TRABD2B: variants seen among roughly 807,000 people sequenced by gnomAD.
The protein encoded by TRABD2B is TraB domain containing 2B, also known as metalloprotease TIKI2.
Under a neutral mutation model 40.1 loss-of-function variants are expected in TRABD2B, and 14 were observed. That is an observed-to-expected ratio of 0.35 (90% CI 0.23 to 0.55). TRABD2B has a LOEUF of 0.55. Ranked by LOEUF, TRABD2B falls within the 20% of genes least tolerant of loss-of-function variation. TRABD2B has a pLI of 0.90. For synonymous variants in TRABD2B, 263 were observed against 277.0 expected (o/e 0.95, Z 0.50); for missense variants, 541 against 648.6 (o/e 0.83, Z 1.80).
intron 2 of TRABD2B, among the ~76,000 whole-genome samples, chr1:47,979,620 A>T (rs1645811382): frequency 6.6e-6 from 1 of 152,174 alleles, no homozygotes; most frequent in Non-Finnish European, 1.5e-5. Context: ...TGGGGCGAAC[A>T]TCAGGAATCG....
chr1:47,996,757 G>T lies in TRABD2B; in HGVS notation c.33C>A (p.Ala11=), dbSNP rs1396145002. Residue 11 remains alanine, a synonymous_variant, in exon 1 of 7, where the codon GCC becomes GCA. Transcript: ENST00000606738. The surrounding 1 kb of genome is among the most constrained non-coding windows in gnomAD (Gnocchi z 4.6). ...GGGCGCGAGCGGTGGCGAGGAGGGC[G>T]GCGAGCAGCGGCCCCGCCAGGGCGG... MHAALAGPLL[A]ALLATARARP... is the part of the protein sequence containing the mutation. 7.4e-6 allele frequency: 9 copies of T among 1,218,854 alleles called. No individual in the cohort carries two copies. The African/African-American group carries it at 1.1e-4, about 15-fold the overall frequency. 75.5% of individuals were successfully genotyped at this position (1,218,854 alleles called of 1,614,324 possible).
At chr1:47,900,741 C>T (rs1286290484) in intron 2 of TRABD2B, among the ~76,000 whole-genome samples, 1 of 152,146 alleles carries the variant, frequency 6.6e-6, no homozygotes, top group Non-Finnish European at 1.5e-5. Flanking sequence ...GGTCGGGGCT[C>T]TGTGCCTCAC....
intron 2 of TRABD2B, among the ~76,000 whole-genome samples, chr1:47,928,069 G>A (rs553399554): frequency 4.6e-5 from 7 of 152,190 alleles, no homozygotes; most frequent in Non-Finnish European, 7.3e-5. Flanking sequence ...AGTGATCCGT[G>A]GGCACAGTAA....
chr1:47,863,755 C>A (rs968930217), intron 2 of TRABD2B, among the ~76,000 whole-genome samples: 2 of 152,096 alleles, frequency 1.3e-5, no homozygotes, highest in African/African-American at 4.8e-5. Flanking sequence ...GGTACTTACC[C>A]AAAAATTTGA....
At chr1:47,771,413 G>A (rs1464513474) in intron 6 of TRABD2B, among the ~76,000 whole-genome samples, 1 of 152,128 alleles carries the variant, frequency 6.6e-6, no homozygotes, top group African/African-American at 2.4e-5. Flanking sequence ...CTGACACTGG[G>A]AAGGTAGTCT....
intron 2 of TRABD2B, among the ~76,000 whole-genome samples, chr1:47,980,423 A>G (rs1645824736): frequency 6.6e-6 from 1 of 152,204 alleles, no homozygotes; most frequent in African/African-American, 2.4e-5. Context: ...GGTAGCATCC[A>G]TAGGACCCTC....
In TRABD2B at chr1:47,912,806, G is replaced by A. The variant is rs193192978; in HGVS notation, c.666+81228C>T. On this transcript the variant is annotated intron_variant, in intron 2 of 6. Coordinates refer to ENST00000606738, the MANE Select transcript of TRABD2B (RefSeq NM_001194986.2). ...CACTCACTCTTCTCAGGCCCACCTCGTCCCAGGAGCTGGCAAGGAAGCATC... is the reference window on the plus strand; with the variant it reads ...CACTCACTCTTCTCAGGCCCACCTCATCCCAGGAGCTGGCAAGGAAGCATC... Among the ~76,000 whole-genome samples, 27 of 152,154 alleles carry A rather than the reference G, an allele frequency of 1.8e-4. No homozygotes were observed. The East Asian group carries it at 3.3e-3, about 19-fold the overall frequency.
At chr1:47,798,749 T>C (rs1172986700) in intron 3 of TRABD2B, among the ~76,000 whole-genome samples, 1 of 152,188 alleles carries the variant, frequency 6.6e-6, no homozygotes, top group African/African-American at 2.4e-5. Flanking sequence ...CTCGTATCAC[T>C]GTCTCCCTAA....
rs373626464 is a variant in TRABD2B, at chr1:47,903,693, T to A, written c.666+90341A>T. ...GGGGCAGTTAGAGTCAGTGCAGTTC[T>A]GAACCCAGATTGCAGGCAGGTGGAG... On this transcript the variant is annotated intron_variant, in intron 2 of 6. Transcript: ENST00000606738. 1.1e-3 allele frequency among the ~76,000 whole-genome samples: 167 copies of A among 152,290 alleles called. 6 individuals are homozygous for A. The South Asian group carries it at 0.021, about 19-fold the overall frequency.
chr1:47,796,515 C>T (rs1207664556), intron 3 of TRABD2B, among the ~76,000 whole-genome samples: 1 of 152,236 alleles, frequency 6.6e-6, no homozygotes, highest in Admixed American at 6.5e-5. Context: ...TCAATGGAGG[C>T]TGAGCCCTAA....
intron 2 of TRABD2B, among the ~76,000 whole-genome samples, chr1:47,814,541 T>C (rs768289735): frequency 6.6e-6 from 1 of 152,204 alleles, no homozygotes; most frequent in African/African-American, 2.4e-5. Context: ...TTGCATGTTT[T>C]AGAACTCTCC....
At chr1:47,775,051 C>T in intron 6 of TRABD2B, 119 bp downstream of exon 6, 1 of 1,030,838 alleles carries the variant, frequency 9.7e-7, no homozygotes, top group African/African-American at 1.6e-5. Flanking sequence ...AGCCACCTGC[C>T]ACACTTCCTT....
chr1:47,814,709 C>T (rs1303178095), intron 2 of TRABD2B, among the ~76,000 whole-genome samples: 1 of 152,106 alleles, frequency 6.6e-6, no homozygotes, highest in Admixed American at 6.5e-5. Context: ...CCAGAATGGC[C>T]GGAAGAAAAG....
chr1:47,794,269 A>G (rs1344119846), intron 4 of TRABD2B, among the ~76,000 whole-genome samples: 1 of 152,106 alleles, frequency 6.6e-6, no homozygotes, highest in Non-Finnish European at 1.5e-5. Context: ...GGTGGGCCTG[A>G]GGCTGGGCTG....
chr1:47,790,661 C>A (rs891080216), intron 4 of TRABD2B, among the ~76,000 whole-genome samples: 1 of 152,190 alleles, frequency 6.6e-6, no homozygotes, highest in Non-Finnish European at 1.5e-5. Context: ...ACTCAAGAGG[C>A]CAGGCTTCCC....
chr1:47,768,246 T>C (rs1415029488), intron 6 of TRABD2B, among the ~76,000 whole-genome samples: 2 of 152,116 alleles, frequency 1.3e-5, no homozygotes, highest in South Asian at 2.1e-4. Context: ...TCCAAGGAAC[T>C]ATCAGGAGGG....
At chr1:47,853,411 C>T (rs992465484) in intron 2 of TRABD2B, among the ~76,000 whole-genome samples, 7 of 152,202 alleles carry the variant, frequency 4.6e-5, no homozygotes, top group South Asian at 2.1e-4. Flanking sequence ...TTTTCCCAAA[C>T]GCACTCTGGG....
chr1:47,896,549 G>T (rs1472128051), intron 2 of TRABD2B, among the ~76,000 whole-genome samples: 2 of 152,200 alleles, frequency 1.3e-5, no homozygotes, highest in South Asian at 2.1e-4. Context: ...ATTAGGATCT[G>T]CTTCCCAAAG....
intron 2 of TRABD2B, among the ~76,000 whole-genome samples, chr1:47,960,406 GAA>G (rs1645494601): frequency 6.6e-6 from 1 of 152,180 alleles, no homozygotes; most frequent in Non-Finnish European, 1.5e-5. Flanking sequence ...ATTCAATTAG[GAA>G]AAGAGGAAGT....
Sources: gnomAD v4.1 joint callset for allele counts (sites outside exome capture counted in the v4.1 genomes callset) on GRCh38, gnomAD v4.1.1 for gene constraint, Gnocchi (gnomAD v3.1) non-coding constraint, MANE v1.5 for transcripts, NCBI Gene and HGNC (gene_info 2026-07-23, HGNC 2026-07-21) for gene names.